APBB1: variants seen among roughly 807,000 people sequenced by gnomAD.
APBB1 encodes the protein amyloid beta precursor protein binding family B member 1.
APBB1 carries 22 observed loss-of-function variants against 78.4 expected under a neutral mutation model. The ratio of observed to expected loss-of-function variants is 0.28; its 90% CI spans 0.20 to 0.40. The LOEUF is 0.40. APBB1 is among the 10% of genes least tolerant of loss of function. The probability of loss-of-function intolerance (pLI) is 1.00; values close to 1 mark genes in which losing one functional copy is unlikely to be tolerated. For synonymous variants in APBB1, 369 were observed against 372.7 expected (o/e 0.99, Z 0.12); for missense variants, 749 against 932.4 (o/e 0.80, Z 2.56).
chr11:6,395,728 C>CT lies in APBB1; in HGVS notation c.1966-28_1966-27insA. On this transcript the variant is annotated intron_variant, in intron 14 of 14. Coordinates refer to ENST00000609360, the MANE Select transcript of APBB1 (RefSeq NM_001164.5). The surrounding 1 kb of genome is among the most constrained non-coding windows in gnomAD (Gnocchi z 5.2). ...TGCGGAGGCAAGCAGGGCAGTCACT[C>CT]CCCAGCCTACCTCCCATGGGGCCAC... 2 of 1,597,464 alleles carry CT rather than the reference C, an allele frequency of 1.3e-6. No individual in the cohort carries two copies. The highest frequency in any genetic ancestry group is 2.2e-5 in the South Asian group (2 of 88,932).
In APBB1 at chr11:6,411,110, C is replaced by A. The variant is rs1167141720; in HGVS notation, c.238G>T (p.Ala80Ser). ...LKEGQNQLRR[A>S]ATAHRDQNRN... ...TTCTGGTCACGGTGGGCCGTGGCGG[C>A]CCGCCGGAGCTGGTTCTGGCCCTCT... Residue 80 changes from alanine (A) to serine (S), a missense_variant, in exon 2 of 15, where the codon GCC (alanine) becomes TCC (serine). Transcript: ENST00000609360. The surrounding 1 kb of genome is among the most constrained non-coding windows in gnomAD (Gnocchi z 5.2). 2 of 1,612,216 alleles carry A rather than the reference C, an allele frequency of 1.2e-6. No individual in the cohort carries two copies. Among genetic ancestry groups the A allele is most frequent in the African/African-American group, 1.3e-5 (1 of 74,946 alleles).
intron 1 of APBB1, among the ~76,000 whole-genome samples, chr11:6,415,830 T>A (rs1849104533): frequency 6.6e-6 from 1 of 152,174 alleles, no homozygotes; most frequent in African/African-American, 2.4e-5. Flanking sequence ...CCACTGTTTA[T>A]CTATTTTCTC....
intron 1 of APBB1, among the ~76,000 whole-genome samples, chr11:6,415,493 C>T (rs1209963523): frequency 6.6e-6 from 1 of 152,152 alleles, no homozygotes. Flanking sequence ...TAGAACAGTG[C>T]CTGGCACCCA....
In APBB1 at chr11:6,403,985, CACA is replaced by C; in HGVS notation, c.722-166_722-164del. On this transcript the variant is annotated intron_variant, in intron 2 of 14. Coordinates refer to ENST00000609360, the MANE Select transcript of APBB1 (RefSeq NM_001164.5). The surrounding 1 kb of genome is among the most constrained non-coding windows in gnomAD (Gnocchi z 5.3). ...CCTAGAGCCTATAGTCTGGAGTCACCACATGTGGGGCCACCAGTAGGGGACATG... is the reference window on the plus strand; with the variant it reads ...CCTAGAGCCTATAGTCTGGAGTCACCTGTGGGGCCACCAGTAGGGGACATG... The C allele has an allele frequency of 1.4e-6, 1 of 707,638 alleles. No individual in the cohort carries two copies. The highest frequency in any genetic ancestry group is 2.1e-6 in the Non-Finnish European group (1 of 466,784). 43.8% of individuals were successfully genotyped at this position (707,638 alleles called of 1,614,324 possible).
At chr11:6,413,766 C>T (rs1315179163) in intron 1 of APBB1, among the ~76,000 whole-genome samples, 2 of 152,264 alleles carry the variant, frequency 1.3e-5, no homozygotes, top group African/African-American at 2.4e-5. Context: ...CCACCGCGCC[C>T]GGCCCCATAG....
chr11:6,405,752 C>T (rs1013205880), intron 2 of APBB1: 1 of 885,720 alleles, frequency 1.1e-6, no homozygotes, highest in Non-Finnish European at 1.4e-6. Flanking sequence ...CCCACTTCCC[C>T]CTAACTCACA....
chr11:6,402,390 G>A (rs942496740), intron 7 of APBB1, 181 bp from the exon 8 acceptor site: 11 of 1,102,894 alleles, frequency 1.0e-5, no homozygotes, highest in East Asian at 5.1e-5. Context: ...TGACTCCACC[G>A]TTGTTAGGCG....
chr11:6,396,491 A>C, intron 12 of APBB1: 1 of 397,098 alleles, frequency 2.5e-6, no homozygotes, highest in Non-Finnish European at 4.5e-6. Context: ...GAACTGACTG[A>C]CCTCTCAAAG....
chr11:6,400,856 G>T, intron 12 of APBB1, 133 bp downstream of exon 12: 1 of 835,478 alleles, frequency 1.2e-6, no homozygotes. Flanking sequence ...ATGGGGAGGT[G>T]GGATGCATTT....
chr11:6,413,766 C>G (rs1315179163), intron 1 of APBB1, among the ~76,000 whole-genome samples: 3 of 152,146 alleles, frequency 2.0e-5, no homozygotes, highest in Admixed American at 6.5e-5. Context: ...CCACCGCGCC[C>G]GGCCCCATAG....
chr11:6,395,582 C>A lies in APBB1; in HGVS notation c.2085G>T (p.Ser695=). ...GTTTGGGCTTCAGGGAGCCCCACAG[C>A]GACTGAACACCCCTGCGGACAGTCC... is the stretch of plus-strand genomic sequence containing the variant. ...VGWTVRRGVQ[S]LWGSLKPKRL... The change falls in exon 15 of 15, where the codon TCG becomes TCT. Residue 695 remains serine, a synonymous_variant. Coordinates refer to ENST00000609360, the MANE Select transcript of APBB1 (RefSeq NM_001164.5). The surrounding 1 kb of genome is among the most constrained non-coding windows in gnomAD (Gnocchi z 5.2). 6.3e-7 allele frequency: 1 copy of A among 1,583,578 alleles called. No individual in the cohort carries two copies. Among genetic ancestry groups the A allele is most frequent in the Non-Finnish European group, 8.6e-7 (1 of 1,163,174 alleles).
Position 6,401,405 on chromosome 11 carries a change from G to A in APBB1, c.1528C>T (p.Arg510Cys), listed in dbSNP as rs371560245. ...SKIMAERRNARCLVNGLSLDH... is the reference protein window; with the variant it reads ...SKIMAERRNACCLVNGLSLDH... ...AGGGAGAGTCCATTTACCAAGCAGCGGGCATTACGCCGTTCGGCCATGATC... is the reference window on the plus strand; with the variant it reads ...AGGGAGAGTCCATTTACCAAGCAGCAGGCATTACGCCGTTCGGCCATGATC... The change falls in exon 11 of 15, where the codon CGC becomes TGC. Residue 510 changes from arginine (R) to cysteine (C), a missense_variant. By Grantham distance (180) the Arg-to-Cys change is radical. This residue lies in a region of APBB1 where 635 missense variants were observed against 765.0 expected (regional missense o/e 0.83). Coordinates refer to ENST00000609360, the MANE Select transcript of APBB1 (RefSeq NM_001164.5). This position sits in a 1 kb window ranked among gnomAD's most constrained non-coding sequence, Gnocchi z 4.5. 8.4e-5 allele frequency: 135 copies of A among 1,614,070 alleles called. 3 individuals carry two copies. The South Asian group carries it at 1.0e-3, about 12-fold the overall frequency.
At chr11:6,412,104 C>T (rs1014470471) in intron 1 of APBB1, among the ~76,000 whole-genome samples, 1 of 152,184 alleles carries the variant, frequency 6.6e-6, no homozygotes, top group Non-Finnish European at 1.5e-5. Flanking sequence ...GGGAGCCTTT[C>T]CCCTGGGCCC....
chr11:6,409,439 G>C (rs1388507138), intron 2 of APBB1, among the ~76,000 whole-genome samples: 5 of 152,344 alleles, frequency 3.3e-5, no homozygotes, highest in South Asian at 2.1e-4. Context: ...GAACGGAAGA[G>C]AGCATGCAGG....
intron 1 of APBB1, among the ~76,000 whole-genome samples, chr11:6,416,646 T>TTG (rs1849123724): frequency 1.3e-5 from 2 of 152,204 alleles, no homozygotes; most frequent in Admixed American, 1.3e-4. Flanking sequence ...TCAATCCATC[T>TTG]CTAGGTACTG....
chr11:6,414,609 G>A (rs939476317), intron 1 of APBB1, among the ~76,000 whole-genome samples: 1 of 152,206 alleles, frequency 6.6e-6, no homozygotes, highest in African/African-American at 2.4e-5. Flanking sequence ...AGCAAAGGGA[G>A]TGTTTGGGAG....
rs1304096796 is a variant in APBB1, at chr11:6,410,003, G to A, written c.721+624C>T. On this transcript the variant is annotated intron_variant, in intron 2 of 14. Transcript: ENST00000609360. ...TCCCAGTCTTTCCAAACAGACCTCT[G>A]TGGGGAGCTGCTGGCTGCTCCCAAC... Among the ~76,000 whole-genome samples the A allele has an allele frequency of 2.0e-5, 3 of 151,926 alleles. No homozygotes were observed. In the East Asian group the frequency reaches 5.8e-4, roughly 29 times the overall value.
chr11:6,403,413 G>A lies in APBB1; in HGVS notation c.955-9C>T, dbSNP rs781498323. On this transcript the variant is annotated splice_polypyrimidine_tract_variant and intron_variant, in intron 4 of 14. Transcript: ENST00000609360. This position sits in a 1 kb window ranked among gnomAD's most constrained non-coding sequence, Gnocchi z 5.3. ...TCATCACTGGGTTCATCCTTGGGAA[G>A]GGGATTGAGGAATCAGTATCAAAAT... 1 of 1,614,182 alleles carries A rather than the reference G, an allele frequency of 6.2e-7. No homozygotes were observed. The highest frequency in any genetic ancestry group is 1.1e-5 in the South Asian group (1 of 91,080).
chr11:6,401,760 G>C lies in APBB1; in HGVS notation c.1389-72C>G. The C allele has an allele frequency of 6.4e-7, 1 of 1,553,022 alleles. No individual in the cohort carries two copies. Among genetic ancestry groups the C allele is most frequent in the Non-Finnish European group, 8.9e-7 (1 of 1,126,742 alleles). On this transcript the variant is annotated intron_variant, in intron 9 of 14. Transcript: ENST00000609360. The surrounding 1 kb of genome is among the most constrained non-coding windows in gnomAD (Gnocchi z 4.5). Reference sequence around the variant, plus strand: ...TGAGCCTGGTCCCCACCCCACCCACGTCCTCCCTGCCCATCACAGCTCCTC... The same window carrying C: ...TGAGCCTGGTCCCCACCCCACCCACCTCCTCCCTGCCCATCACAGCTCCTC...
Sources: allele counts gnomAD v4.1 joint callset (sites outside exome capture counted in the v4.1 genomes callset), GRCh38; gene constraint gnomAD v4.1.1; regional missense constraint gnomAD v4.1.1; non-coding constraint Gnocchi (gnomAD v3.1); transcripts MANE v1.5; gene names NCBI Gene and HGNC (gene_info 2026-07-23, HGNC 2026-07-21).